Variants in CNTNAP2 observed in about 807,000 individuals in gnomAD.
CNTNAP2 encodes the protein contactin-associated protein-like 2.
A neutral mutation model predicts 155.2 loss-of-function variants in CNTNAP2; 98 were observed. That is an observed-to-expected ratio of 0.63 (90% CI 0.54 to 0.75). The LOEUF (loss-of-function observed/expected upper bound fraction) is 0.75, where lower values mean the gene tolerates loss of function less well. CNTNAP2 is among the 30% of genes least tolerant of loss of function. The probability of loss-of-function intolerance (pLI) is 0.00; values close to 1 mark genes in which losing one functional copy is unlikely to be tolerated. For synonymous variants in CNTNAP2, 651 were observed against 631.2 expected (o/e 1.03, Z -0.47); for missense variants, 1,727 against 1,688.1 (o/e 1.02, Z -0.40).
chr7:146,253,936 C>T (rs1799796806), intron 1 of CNTNAP2, among the ~76,000 whole-genome samples: 1 of 151,998 alleles, frequency 6.6e-6, no homozygotes, highest in East Asian at 1.9e-4. Context: ...GTGGCATGCA[C>T]CTGTAGTCCC....
chr7:148,201,302 C>T (rs141576622), intron 18 of CNTNAP2, among the ~76,000 whole-genome samples: 68 of 152,290 alleles, frequency 4.5e-4, no homozygotes, highest in African/African-American at 1.6e-3. Context: ...GAATAAAAGG[C>T]TTGAAGCTCT....
chr7:146,301,492 G>A (rs1158407686), intron 1 of CNTNAP2, among the ~76,000 whole-genome samples: 1 of 151,894 alleles, frequency 6.6e-6, no homozygotes, highest in African/African-American at 2.4e-5. Flanking sequence ...CAAGTGTGAC[G>A]GCAGATACCT....
intron 12 of CNTNAP2, among the ~76,000 whole-genome samples, chr7:147,601,644 A>T (rs868489792): frequency 5.1e-4 from 45 of 87,458 alleles, no homozygotes; most frequent in Non-Finnish European, 6.1e-4. Flanking sequence ...CTTAAAAAAA[A>T]ATATATATAT....
chr7:146,294,784 G>T (rs535944083), intron 1 of CNTNAP2, among the ~76,000 whole-genome samples: 1 of 152,198 alleles, frequency 6.6e-6, no homozygotes, highest in African/African-American at 2.4e-5. Context: ...CATGTTTTGA[G>T]CTAATTCCAG....
intron 3 of CNTNAP2, among the ~76,000 whole-genome samples, chr7:146,916,499 A>G (rs1796397116): frequency 6.6e-6 from 1 of 152,094 alleles, no homozygotes; most frequent in South Asian, 2.1e-4. Flanking sequence ...TACCATTTCA[A>G]TCTTGCTACT....
intron 15 of CNTNAP2, among the ~76,000 whole-genome samples, chr7:148,090,825 C>T (rs1563196234): frequency 6.6e-6 from 1 of 152,060 alleles, no homozygotes; most frequent in South Asian, 2.1e-4. Flanking sequence ...TATTCACAAT[C>T]GCTAAGATCT....
intron 9 of CNTNAP2, among the ~76,000 whole-genome samples, chr7:147,302,819 AGAAGG>A (rs1794967781): frequency 6.6e-6 from 1 of 152,244 alleles, no homozygotes; most frequent in Admixed American, 6.5e-5. Context: ...AGAGGGCAAA[AGAAGG>A]GAAGTCACAG....
rs201348284 is a variant in CNTNAP2, at chr7:147,775,421, AT to A, written c.2099-128143del. On this transcript the variant is annotated intron_variant, in intron 13 of 23. Coordinates refer to ENST00000361727, the MANE Select transcript of CNTNAP2 (RefSeq NM_014141.6). ...TATATATTTATATATATATTTATAT[AT>A]ATATATCTGAAGAAATTCTGAACCA... Among the ~76,000 whole-genome samples, 144 of 118,442 alleles carry A rather than the reference AT, an allele frequency of 1.2e-3. 18 individuals carry two copies. The highest frequency in any genetic ancestry group is 0.011 in the Admixed American group (100 of 9,238). The allele number at this position is 118,442 out of a possible 152,430, so 77.7% of individuals were successfully genotyped here. A position where few individuals can be genotyped will look rare whatever the true frequency, so the allele number is the denominator to read the frequency against.
chr7:146,783,714 C>T (rs1413766804), intron 2 of CNTNAP2, among the ~76,000 whole-genome samples: 5 of 152,124 alleles, frequency 3.3e-5, no homozygotes, highest in Admixed American at 2.6e-4. Flanking sequence ...TTGCAATTTC[C>T]ATAGAGCAAT....
intron 3 of CNTNAP2, among the ~76,000 whole-genome samples, chr7:146,971,575 C>T (rs1797799468): frequency 6.6e-6 from 1 of 152,146 alleles, no homozygotes; most frequent in Non-Finnish European, 1.5e-5. Context: ...AGTCCAAACT[C>T]AGGTTGCCAG....
At chr7:147,349,609 A>G (rs936092354) in intron 9 of CNTNAP2, among the ~76,000 whole-genome samples, 3 of 151,892 alleles carry the variant, frequency 2.0e-5, no homozygotes, top group Non-Finnish European at 2.9e-5. Context: ...TGTTATTTGT[A>G]AAAATCAACA....
intron 12 of CNTNAP2, among the ~76,000 whole-genome samples, chr7:147,588,316 T>A (rs565410231): frequency 6.6e-6 from 1 of 152,194 alleles, no homozygotes; most frequent in Non-Finnish European, 1.5e-5. Context: ...GATCATCTCA[T>A]CCAAGAAAAG....
intron 21 of CNTNAP2, among the ~76,000 whole-genome samples, chr7:148,274,341 C>G (rs1267065708): frequency 1.3e-5 from 2 of 151,636 alleles, no homozygotes; most frequent in Non-Finnish European, 2.9e-5. Flanking sequence ...GGCATAAGGA[C>G]TGACTTAAGG....
At chr7:146,273,065 T>G (rs1399969526) in intron 1 of CNTNAP2, among the ~76,000 whole-genome samples, 3 of 135,328 alleles carry the variant, frequency 2.2e-5, no homozygotes, top group Admixed American at 7.3e-5. Flanking sequence ...ATGGTGAGGG[T>G]GGAAGGGTGA....
intron 12 of CNTNAP2, among the ~76,000 whole-genome samples, chr7:147,635,184 C>CTATATATATA (rs57395379): frequency 3.6e-5 from 5 of 137,104 alleles, no homozygotes; most frequent in African/African-American, 9.4e-5. Flanking sequence ...CACTGGCAAA[C>CTATATATATA]TATATATATA....
intron 3 of CNTNAP2, among the ~76,000 whole-genome samples, chr7:147,025,333 AGAAAGG>A (rs1798885254): frequency 2.2e-5 from 1 of 45,626 alleles, no homozygotes; most frequent in Non-Finnish European, 4.3e-5. Context: ...GGCAGGGAGA[AGAAAGG>A]GGGGAGGGGA....
At chr7:146,164,784 G>A (rs567347066) in intron 1 of CNTNAP2, among the ~76,000 whole-genome samples, 2 of 150,890 alleles carry the variant, frequency 1.3e-5, no homozygotes, top group Non-Finnish European at 3.0e-5. Flanking sequence ...CATTTTAAAC[G>A]CATCTTCCGT....
At chr7:148,250,345 TTTTCTC>T (rs1796341709) in intron 20 of CNTNAP2, among the ~76,000 whole-genome samples, 1 of 152,208 alleles carries the variant, frequency 6.6e-6, no homozygotes, top group African/African-American at 2.4e-5. Context: ...ATCATTTACT[TTTTCTC>T]TGTGTCTCTC....
intron 13 of CNTNAP2, among the ~76,000 whole-genome samples, chr7:147,704,870 C>T (rs1033162279): frequency 5.9e-5 from 9 of 152,190 alleles, no homozygotes; most frequent in Non-Finnish European, 8.8e-5. Context: ...TATAGTTTTT[C>T]ATAATGGTCT....
Sources: allele counts gnomAD v4.1 joint callset (sites outside exome capture counted in the v4.1 genomes callset), GRCh38; gene constraint gnomAD v4.1.1; transcripts MANE v1.5; gene names NCBI Gene and HGNC (gene_info 2026-07-23, HGNC 2026-07-21).